Variants in EIF4E3 observed in about 807,000 individuals in gnomAD.
EIF4E3 encodes eukaryotic translation initiation factor 4E type 3.
A neutral mutation model predicts 31.7 loss-of-function variants in EIF4E3; 26 were observed. The ratio of observed to expected loss-of-function variants is 0.82; its 90% CI spans 0.60 to 1.14. EIF4E3 has a LOEUF of 1.14. Ranked by LOEUF, EIF4E3 falls within the 50% of genes most tolerant of loss-of-function variation. The probability of loss-of-function intolerance (pLI) is 0.00; values close to 1 mark genes in which losing one functional copy is unlikely to be tolerated. For synonymous variants in EIF4E3, 128 were observed against 107.7 expected (o/e 1.19, Z -1.17); for missense variants, 304 against 270.9 (o/e 1.12, Z -0.86).
chr3:71,739,009 G>A (rs1303930644), intron 1 of EIF4E3, among the ~76,000 whole-genome samples: 1 of 84,024 alleles, frequency 1.2e-5, no homozygotes, highest in African/African-American at 6.5e-5. Context: ...TATATATATG[G>A]GTTAAAAAGG....
intron 3 of EIF4E3, among the ~76,000 whole-genome samples, chr3:71,696,805 T>C (rs1214724748): frequency 6.7e-6 from 1 of 149,878 alleles, no homozygotes; most frequent in Non-Finnish European, 1.5e-5. Flanking sequence ...AAGCTCTGCC[T>C]CCCGGGTTCA....
upstream of EIF4E3, among the ~76,000 whole-genome samples, chr3:71,753,869 G>A (rs1208957072): frequency 6.7e-6 from 1 of 148,604 alleles, no homozygotes; most frequent in African/African-American, 2.4e-5. Context: ...CTGAGATGGC[G>A]GCGGCGGCAC....
chr3:71,729,348 C>G (rs1379105331), upstream of EIF4E3, among the ~76,000 whole-genome samples: 2 of 152,322 alleles, frequency 1.3e-5, no homozygotes, highest in East Asian at 1.9e-4. Flanking sequence ...TAGCTAGTGA[C>G]ATTCCCTCCA....
intron 6 of EIF4E3, among the ~76,000 whole-genome samples, chr3:71,688,534 C>T (rs1400026286): frequency 6.6e-6 from 1 of 152,178 alleles, no homozygotes; most frequent in African/African-American, 2.4e-5. Flanking sequence ...ACCTAAAGTG[C>T]CTGACTTAAC....
chr3:71,716,523 G>A (rs1036952176), intron 1 of EIF4E3, among the ~76,000 whole-genome samples: 9 of 152,154 alleles, frequency 5.9e-5, no homozygotes, highest in African/African-American at 1.9e-4. Flanking sequence ...ATGAGCCACC[G>A]TGCCCGGCCC....
chr3:71,666,989 A>G, the EIF4E3 span, among the ~76,000 whole-genome samples: 2 of 152,172 alleles, frequency 1.3e-5, no homozygotes, highest in East Asian at 1.9e-4. Context: ...ACGAACATCA[A>G]TGCGAAAATC....
chr3:71,718,332 TA>T (rs1326245075), intron 1 of EIF4E3, among the ~76,000 whole-genome samples: 2 of 152,268 alleles, frequency 1.3e-5, no homozygotes, highest in African/African-American at 4.8e-5. Context: ...CAAGCCCTAT[TA>T]CTGACAGTTA....
chr3:71,714,039 A>C (rs1352783146), intron 1 of EIF4E3, among the ~76,000 whole-genome samples: 1 of 151,922 alleles, frequency 6.6e-6, no homozygotes, highest in East Asian at 1.9e-4. Flanking sequence ...GATGAAATCC[A>C]GGCTCTACTA....
At chr3:71,715,013 G>A (rs2049443413) in intron 1 of EIF4E3, among the ~76,000 whole-genome samples, 1 of 152,162 alleles carries the variant, frequency 6.6e-6, no homozygotes, top group African/African-American at 2.4e-5. Flanking sequence ...TCCTTCCCCA[G>A]CAGAACCCTA....
chr3:71,751,511 TAAG>T (rs564648212), intron 1 of EIF4E3, among the ~76,000 whole-genome samples: 108 of 152,304 alleles, frequency 7.1e-4, no homozygotes, highest in African/African-American at 2.4e-3. Context: ...TGTGGGTTAT[TAAG>T]AAGGCATTCC....
chr3:71,720,638 TAA>T (rs1388787044), intron 1 of EIF4E3, among the ~76,000 whole-genome samples: 1 of 151,974 alleles, frequency 6.6e-6, no homozygotes, highest in Non-Finnish European at 1.5e-5. Context: ...GTAAGAGACA[TAA>T]AGTAAAAATC....
rs2048873847 is a variant in EIF4E3, at chr3:71,676,154, T to C, written c.*8528A>G. ...AACTTACGGGGGTATCAATTGCTTA[T>C]AGTGTGTCATTTTGCACTCATCATT... On this transcript the variant is annotated 3_prime_UTR_variant, in exon 7 of 7. Coordinates refer to ENST00000425534, the MANE Select transcript of EIF4E3 (RefSeq NM_001134651.2). The C allele has an allele frequency of 6.6e-6, 1 of 152,238 alleles. No individual in the cohort carries two copies. Among genetic ancestry groups the C allele is most frequent in the Admixed American group, 6.5e-5 (1 of 15,288 alleles). The allele number at this position is 152,238 out of a possible 1,614,324, so 9.4% of individuals were successfully genotyped here. A position where few individuals can be genotyped will look rare whatever the true frequency, so the allele number is the denominator to read the frequency against.
chr3:71,700,753 C>T (rs1393902458), intron 2 of EIF4E3, among the ~76,000 whole-genome samples: 1 of 152,120 alleles, frequency 6.6e-6, no homozygotes, highest in Non-Finnish European at 1.5e-5. Context: ...CCTTATCTCT[C>T]CCCTGCTAAA....
intron 1 of EIF4E3, among the ~76,000 whole-genome samples, chr3:71,741,198 A>G (rs1213484537): frequency 1.3e-5 from 2 of 151,548 alleles, no homozygotes; most frequent in Admixed American, 6.6e-5. Flanking sequence ...GCACGCGCAC[A>G]CACACACACA....
chr3:71,663,521 G>A, the EIF4E3 span, among the ~76,000 whole-genome samples: 5 of 152,280 alleles, frequency 3.3e-5, no homozygotes, highest in East Asian at 7.7e-4. Flanking sequence ...TCTAAGGCAG[G>A]GCCCTTGGGT....
At chr3:71,725,675 C>T (rs541511269), upstream of EIF4E3, among the ~76,000 whole-genome samples, 429 of 151,834 alleles carry the variant, frequency 2.8e-3, 3 homozygotes, top group South Asian at 0.018. This position sits in a 1 kb window ranked among gnomAD's most constrained non-coding sequence, Gnocchi z 6.1. Context: ...CGGCCGGGGA[C>T]GGGCTAGAGG....
At chr3:71,674,256 A>C (rs558318463), downstream of EIF4E3, among the ~76,000 whole-genome samples, 50 of 151,336 alleles carry the variant, frequency 3.3e-4, no homozygotes, top group African/African-American at 1.1e-3. Context: ...ACAGTCGTGC[A>C]CCACCATGCC....
At chr3:71,667,175 T>C in the EIF4E3 span, among the ~76,000 whole-genome samples, 13,968 of 152,144 alleles carry the variant, frequency 0.092, 1,739 homozygotes, top group African/African-American at 0.28. Context: ...TCAATAGATG[T>C]AGAAAAGGAC....
downstream of EIF4E3, among the ~76,000 whole-genome samples, chr3:71,672,658 C>T (rs972841256): frequency 6.6e-6 from 1 of 152,196 alleles, no homozygotes; most frequent in African/African-American, 2.4e-5. Context: ...GCTCGGAGCC[C>T]GGCCTTTGAA....
Sources: allele counts gnomAD v4.1 joint callset (sites outside exome capture counted in the v4.1 genomes callset), GRCh38; gene constraint gnomAD v4.1.1; non-coding constraint Gnocchi (gnomAD v3.1); transcripts MANE v1.5; gene names NCBI Gene and HGNC (gene_info 2026-07-23, HGNC 2026-07-21).